The following ELMO1 variants were observed in gnomAD, a reference collection of about 807,000 sequenced individuals.
The protein encoded by ELMO1 is engulfment and cell motility 1.
A neutral mutation model predicts 98.9 loss-of-function variants in ELMO1; 26 were observed. That is an observed-to-expected ratio of 0.26 (90% CI 0.19 to 0.36). ELMO1 has a LOEUF of 0.36. Ranked by LOEUF, ELMO1 falls within the 10% of genes least tolerant of loss-of-function variation. The pLI is 1.00. For synonymous variants in ELMO1, 346 were observed against 346.0 expected (o/e 1.00, Z 0.00); for missense variants, 627 against 935.2 (o/e 0.67, Z 4.30).
chr7:37,019,249 C>T (rs375235414), intron 15 of ELMO1, among the ~76,000 whole-genome samples: 1 of 152,214 alleles, frequency 6.6e-6, no homozygotes, highest in African/African-American at 2.4e-5. Context: ...TTCTGACCTC[C>T]ACATGAAGGG....
chr7:36,925,896 T>C lies in ELMO1; in HGVS notation c.1438-30879A>G, dbSNP rs528498406. ...TCTGAGCAATGGTGATGGATGTTTCTATCCCCCAGCACCACCCCCTTGGCC... is the reference window on the plus strand; with the variant it reads ...TCTGAGCAATGGTGATGGATGTTTCCATCCCCCAGCACCACCCCCTTGGCC... On this transcript the variant is annotated intron_variant, in intron 16 of 21. Coordinates refer to ENST00000310758, the MANE Select transcript of ELMO1 (RefSeq NM_014800.11). Among the ~76,000 whole-genome samples the C allele has an allele frequency of 3.1e-4, 47 of 152,284 alleles. 1 individual carries two copies. The South Asian group carries it at 9.7e-3, about 32-fold the overall frequency.
intron 13 of ELMO1, among the ~76,000 whole-genome samples, chr7:37,169,818 ACAGT>A: frequency 6.6e-6 from 1 of 152,382 alleles, no homozygotes; most frequent in East Asian, 1.9e-4. Flanking sequence ...GCTTACGAGC[ACAGT>A]GAACGTCCAC....
At chr7:36,973,101 T>C (rs1420548887) in intron 16 of ELMO1, among the ~76,000 whole-genome samples, 1 of 152,210 alleles carries the variant, frequency 6.6e-6, no homozygotes, top group Non-Finnish European at 1.5e-5. Context: ...GTATATATTT[T>C]TGAGGAGGAC....
At position 37,118,826 on chromosome 7, in the gene ELMO1, G is replaced by A. The variant is rs530800931; in HGVS notation, c.1191+14304C>T. Among the ~76,000 whole-genome samples, 5 of 152,210 alleles carry A rather than the reference G, an allele frequency of 3.3e-5. No homozygotes were observed. In the South Asian group the frequency reaches 1.0e-3, roughly 32 times the overall value. On this transcript the variant is annotated intron_variant, in intron 14 of 21. Transcript: ENST00000310758. ...GGAGGGAGTGTAAGCCCTGAAAAAA[G>A]GCAATCAAATTCTCTTCTTTTTAAT...
chr7:37,440,678 A>G (rs1320196265), intron 1 of ELMO1, among the ~76,000 whole-genome samples: 2 of 151,634 alleles, frequency 1.3e-5, no homozygotes, highest in African/African-American at 4.9e-5. Context: ...CTGAGGCAGG[A>G]GAATCGCTTG....
At chr7:37,249,483 G>T (rs1183320321) in intron 6 of ELMO1, among the ~76,000 whole-genome samples, 1 of 152,112 alleles carries the variant, frequency 6.6e-6, no homozygotes, top group Non-Finnish European at 1.5e-5. Context: ...TTGGAGAAAT[G>T]ACCTCAATGA....
chr7:36,972,791 T>C (rs1036264454), intron 16 of ELMO1, among the ~76,000 whole-genome samples: 1 of 152,204 alleles, frequency 6.6e-6, no homozygotes, highest in African/African-American at 2.4e-5. Context: ...TCTATAGTTT[T>C]TTGAAACAGA....
intron 8 of ELMO1, among the ~76,000 whole-genome samples, chr7:37,227,359 A>G (rs1235687555): frequency 1.3e-5 from 2 of 152,160 alleles, no homozygotes; most frequent in Admixed American, 1.3e-4. Flanking sequence ...TGAAATATTC[A>G]ATCAGAACTC....
At chr7:36,964,801 G>C (rs903987438) in intron 16 of ELMO1, among the ~76,000 whole-genome samples, 2 of 152,120 alleles carry the variant, frequency 1.3e-5, no homozygotes, top group Non-Finnish European at 2.9e-5. Flanking sequence ...TTACCACAAA[G>C]CCATTTTGGA....
chr7:37,324,443 A>C (rs1799688741), intron 2 of ELMO1, among the ~76,000 whole-genome samples: 1 of 152,178 alleles, frequency 6.6e-6, no homozygotes, highest in Non-Finnish European at 1.5e-5. Flanking sequence ...ATTCATTTCA[A>C]ATGTTTCTAA....
intron 1 of ELMO1, among the ~76,000 whole-genome samples, chr7:37,390,015 GA>G: frequency 1.3e-5 from 2 of 152,154 alleles, no homozygotes; most frequent in Middle Eastern, 6.8e-3. Flanking sequence ...CATCCCCTGA[GA>G]AGTCACCCAT....
intron 15 of ELMO1, among the ~76,000 whole-genome samples, chr7:37,086,171 C>A (rs1407949766): frequency 6.6e-6 from 1 of 152,228 alleles, no homozygotes; most frequent in Non-Finnish European, 1.5e-5. Flanking sequence ...CCCGGGCAAG[C>A]CTCCTGCCAG....
chr7:37,049,966 G>T (rs961496442), intron 15 of ELMO1, among the ~76,000 whole-genome samples: 4 of 151,798 alleles, frequency 2.6e-5, no homozygotes, highest in Non-Finnish European at 5.9e-5. Flanking sequence ...TTTTAGTAGA[G>T]ACAGGGTTTC....
intron 1 of ELMO1, among the ~76,000 whole-genome samples, chr7:37,417,819 A>G (rs572717322): frequency 6.6e-6 from 1 of 152,302 alleles, no homozygotes; most frequent in East Asian, 1.9e-4. Context: ...TCCAGCCTGG[A>G]TGACAGAGCA....
chr7:37,023,915 C>A (rs911759436), intron 15 of ELMO1, among the ~76,000 whole-genome samples: 2 of 152,134 alleles, frequency 1.3e-5, no homozygotes, highest in African/African-American at 4.8e-5. Flanking sequence ...AGATCCCAGT[C>A]TTATTGAAGG....
intron 1 of ELMO1, among the ~76,000 whole-genome samples, chr7:37,426,246 T>C (rs1804703822): frequency 6.8e-6 from 1 of 147,718 alleles, no homozygotes; most frequent in African/African-American, 2.5e-5. Flanking sequence ...CTCTGCTTCC[T>C]GGGCTCAAGC....
chr7:37,011,906 G>A (rs1283900334), intron 16 of ELMO1, among the ~76,000 whole-genome samples: 4 of 152,164 alleles, frequency 2.6e-5, no homozygotes, highest in African/African-American at 7.2e-5. Flanking sequence ...ACAATCAAGC[G>A]AAGTACACTT....
chr7:36,892,061 T>C (rs1326521857), intron 17 of ELMO1, among the ~76,000 whole-genome samples: 2 of 152,222 alleles, frequency 1.3e-5, no homozygotes, highest in African/African-American at 4.8e-5. Context: ...CAGAGCTTCT[T>C]TGACCCACTG....
intron 13 of ELMO1, among the ~76,000 whole-genome samples, chr7:37,171,783 C>T (rs1301225473): frequency 6.6e-6 from 1 of 151,998 alleles, no homozygotes; most frequent in African/African-American, 2.4e-5. Flanking sequence ...TGAGCCACCA[C>T]GCCTGGCCGC....
Sources: allele counts gnomAD v4.1 joint callset (sites outside exome capture counted in the v4.1 genomes callset), GRCh38; gene constraint gnomAD v4.1.1; transcripts MANE v1.5; gene names NCBI Gene and HGNC (gene_info 2026-07-23, HGNC 2026-07-21).